The following ZFP30 variants were observed in gnomAD, a reference collection of about 807,000 sequenced individuals.
The protein encoded by ZFP30 is zinc finger protein 30 homolog.
Under a neutral mutation model 12.3 loss-of-function variants are expected in ZFP30, and 16 were observed. The ratio of observed to expected loss-of-function variants is 1.30; its 90% CI spans 0.88 to 1.98. ZFP30 has a LOEUF of 1.98. Ranked by LOEUF, ZFP30 falls within the 30% of genes most tolerant of loss-of-function variation. ZFP30 has a pLI of 0.00. For synonymous variants in ZFP30, 172 were observed against 201.0 expected, an observed-to-expected ratio of 0.86 and a Z score of 1.22; for missense variants, 560 against 611.2, an observed-to-expected ratio of 0.92 and a Z score of 0.88.
Position 37,635,888 on chromosome 19 carries a change from T to G in ZFP30, c.653A>C (p.Lys218Thr). 1 of 1,614,194 alleles carries G rather than the reference T, an allele frequency of 6.2e-7. No homozygotes were observed. The highest frequency in any genetic ancestry group is 8.5e-7 in the Non-Finnish European group (1 of 1,180,030). The change falls in exon 6 of 6, where the codon AAA (lysine) becomes ACA (threonine). Residue 218 changes from lysine (K) to threonine (T), a missense_variant. Coordinates refer to ENST00000684514, the MANE Select transcript of ZFP30 (RefSeq NM_001320669.3). ...HTSDKLYECK[K>T]CGKIFTCGSD... ...GCCACATGTGAAGATCTTTCCACAT[T>G]TTTTACATTCATAGAGTTTGTCAGA... is the stretch of plus-strand genomic sequence containing the variant.
intron 3 of ZFP30, among the ~76,000 whole-genome samples, chr19:37,646,116 G>A (rs2044538935): frequency 6.6e-6 from 1 of 152,082 alleles, no homozygotes; most frequent in Non-Finnish European, 1.5e-5. Flanking sequence ...CGCCCCACCT[G>A]GGATGTGATA....
At chr19:37,640,144 T>TA (rs2044406452) in intron 5 of ZFP30, among the ~76,000 whole-genome samples, 1 of 152,138 alleles carries the variant, frequency 6.6e-6, no homozygotes, top group Non-Finnish European at 1.5e-5. Flanking sequence ...ACAGAAAACA[T>TA]AAAAATTCAA....
intron 3 of ZFP30, among the ~76,000 whole-genome samples, chr19:37,646,459 T>C (rs2044545925): frequency 6.6e-6 from 1 of 152,198 alleles, no homozygotes; most frequent in Non-Finnish European, 1.5e-5. Flanking sequence ...CAAATTCACA[T>C]GTGCTGTAAA....
Position 37,643,401 on chromosome 19 carries a change from T to A in ZFP30, c.137-38A>T, listed in dbSNP as rs752376730. On this transcript the variant is annotated intron_variant, in intron 4 of 5. Coordinates refer to ENST00000684514, the MANE Select transcript of ZFP30 (RefSeq NM_001320669.3). ...TAATAGAATATAATAAAGAATTTAT[T>A]TAAGGCTTCAAAACAAAGAAGACTA... The A allele has an allele frequency of 2.8e-6, 4 of 1,405,414 alleles. No individual in the cohort carries two copies. The South Asian group carries it at 6.5e-5, about 23-fold the overall frequency. The allele number at this position is 1,405,414 out of a possible 1,614,324, so 87.1% of individuals were successfully genotyped here.
At chr19:37,645,144 G>C (rs916394012) in intron 3 of ZFP30, among the ~76,000 whole-genome samples, 1 of 152,108 alleles carries the variant, frequency 6.6e-6, no homozygotes, top group Middle Eastern at 3.4e-3. Context: ...GACGGAGCTT[G>C]CAGTGAGCCG....
intron 2 of ZFP30, among the ~76,000 whole-genome samples, chr19:37,648,612 T>C (rs2044588143): frequency 6.6e-6 from 1 of 152,174 alleles, no homozygotes; most frequent in South Asian, 2.1e-4. Flanking sequence ...CTCCCAGAGT[T>C]TGGCATTCAG....
intron 2 of ZFP30, among the ~76,000 whole-genome samples, chr19:37,653,090 C>A: frequency 6.7e-6 from 1 of 149,780 alleles, no homozygotes. Context: ...GCACTCCAAC[C>A]CGGGCAACAA....
rs1260224624 is a variant in ZFP30 at position 37,635,013 on chromosome 19, T to A, written c.1528A>T (p.Thr510Ser). ...KKAFRQHSHL[T>S]YHQRIHNVT is the part of the protein sequence containing the mutation. ...ACATTATGAATTCGCTGATGGTAAG[T>A]AAGATGTGAATGTTGTCTAAATGCC... The change falls in exon 6 of 6, where the codon ACT becomes TCT. Residue 510 changes from threonine to serine, a missense_variant. Physicochemically the swap from Thr to Ser is moderately conservative, Grantham distance 58. Transcript: ENST00000684514. 14 of 1,565,782 alleles carry A rather than the reference T, an allele frequency of 8.9e-6. No individual in the cohort carries two copies. The highest frequency in any genetic ancestry group is 1.2e-5 in the Non-Finnish European group (14 of 1,159,476).
At chr19:37,641,959 C>T (rs893088110) in intron 5 of ZFP30, among the ~76,000 whole-genome samples, 2 of 152,166 alleles carry the variant, frequency 1.3e-5, no homozygotes, top group Non-Finnish European at 1.5e-5. Flanking sequence ...GTCTTCTTCC[C>T]GTAAGTTGGC....
At chr19:37,637,195 CT>C (rs1005693767) in intron 5 of ZFP30, among the ~76,000 whole-genome samples, 11 of 145,032 alleles carry the variant, frequency 7.6e-5, no homozygotes, top group South Asian at 2.2e-4. Flanking sequence ...TTTCTTTTTT[CT>C]TTTTTTCTTT....
intron 5 of ZFP30, among the ~76,000 whole-genome samples, chr19:37,641,425 A>G (rs928734720): frequency 7.2e-5 from 11 of 152,138 alleles, no homozygotes; most frequent in African/African-American, 2.7e-4. Flanking sequence ...TCTCTCAGTA[A>G]CTCTAAAACA....
At chr19:37,650,273 C>T (rs924574055) in intron 2 of ZFP30, among the ~76,000 whole-genome samples, 14 of 152,020 alleles carry the variant, frequency 9.2e-5, no homozygotes, top group Admixed American at 9.2e-4. Flanking sequence ...CACATGACAC[C>T]ACCCTGGCTA....
rs2147247757 is a variant in ZFP30, at chr19:37,632,840, A to G, written c.*2141T>C. The G allele has an allele frequency of 6.6e-6, 1 of 152,332 alleles. No homozygotes were observed. The highest frequency in any genetic ancestry group is 2.1e-4 in the South Asian group (1 of 4,822). The allele number at this position is 152,332 out of a possible 1,614,324, so 9.4% of individuals were successfully genotyped here. The stretch of plus-strand genomic sequence containing the variant: ...GTCTAGTCCATTATTTCCCACATTT[A>G]GCAGTAGTAATTGCTTTCTTTTACT... On this transcript the variant is annotated 3_prime_UTR_variant, in exon 6 of 6. Coordinates refer to ENST00000684514, the MANE Select transcript of ZFP30 (RefSeq NM_001320669.3).
At chr19:37,645,559 T>C (rs2044526832) in intron 3 of ZFP30, among the ~76,000 whole-genome samples, 1 of 149,466 alleles carries the variant, frequency 6.7e-6, no homozygotes, top group Non-Finnish European at 1.5e-5. Flanking sequence ...GTGTATCTAG[T>C]TTGCCCACCA....
At chr19:37,646,696 T>A (rs2044550203) in intron 3 of ZFP30, among the ~76,000 whole-genome samples, 1 of 152,172 alleles carries the variant, frequency 6.6e-6, no homozygotes, top group Non-Finnish European at 1.5e-5. Flanking sequence ...CCACCTCAGT[T>A]TCCCAAATTG....
At chr19:37,650,732 CT>C (rs371928008) in intron 2 of ZFP30, among the ~76,000 whole-genome samples, 4 of 148,598 alleles carry the variant, frequency 2.7e-5, no homozygotes, top group African/African-American at 7.3e-5. Flanking sequence ...ATATGATTTT[CT>C]TTTCCTTTTT....
chr19:37,638,967 A>G (rs1379110537), intron 5 of ZFP30, among the ~76,000 whole-genome samples: 1 of 152,210 alleles, frequency 6.6e-6, no homozygotes, highest in East Asian at 1.9e-4. Flanking sequence ...TTATATTTCA[A>G]TAAGTTTACT....
upstream of ZFP30, chr19:37,655,964 G>C (rs2044749884): frequency 6.6e-6 from 1 of 152,448 alleles, no homozygotes; most frequent in Non-Finnish European, 1.5e-5. Flanking sequence ...TTGGCTACAG[G>C]ATCCCGATGG....
intron 4 of ZFP30, among the ~76,000 whole-genome samples, chr19:37,643,613 A>C (rs998746148): frequency 6.6e-6 from 1 of 152,194 alleles, no homozygotes; most frequent in Non-Finnish European, 1.5e-5. Flanking sequence ...TAGAGCAACT[A>C]ATTCAATCTC....
Sources: gnomAD v4.1 joint callset for allele counts (sites outside exome capture counted in the v4.1 genomes callset) on GRCh38, gnomAD v4.1.1 for gene constraint, MANE v1.5 for transcripts, NCBI Gene and HGNC (gene_info 2026-07-23, HGNC 2026-07-21) for gene names.